COMMD7: variants seen among roughly 807,000 people sequenced by gnomAD.
COMMD7 encodes COMM domain-containing protein 7.
COMMD7 carries 28 observed loss-of-function variants against 34.8 expected under a neutral mutation model. That is an observed-to-expected ratio of 0.80 (90% CI 0.60 to 1.10). The LOEUF (loss-of-function observed/expected upper bound fraction) is 1.10, where lower values mean the gene tolerates loss of function less well. Ranked by LOEUF, COMMD7 falls within the 50% of genes least tolerant of loss-of-function variation. The pLI, the probability that COMMD7 is intolerant of heterozygous loss-of-function variation, is 0.00. For synonymous variants in COMMD7, 80 were observed against 86.4 expected (o/e 0.93, Z 0.41); for missense variants, 211 against 241.6 (o/e 0.87, Z 0.84).
chr20:32,703,675 G>A, intron 8 of COMMD7: 1 of 1,436,778 alleles, frequency 7.0e-7, no homozygotes, highest in Non-Finnish European at 9.1e-7. Context: ...TGTTCAAATG[G>A]CACAGCTCCA....
intron 1 of COMMD7, among the ~76,000 whole-genome samples, chr20:32,741,150 C>CAAAA (rs764073417): frequency 2.2e-5 from 2 of 90,494 alleles, no homozygotes; most frequent in Non-Finnish European, 5.3e-5. Flanking sequence ...CTAAAACAAA[C>CAAAA]AAACAAACAA....
intron 1 of COMMD7, among the ~76,000 whole-genome samples, chr20:32,736,941 G>A (rs931847167): frequency 2.0e-5 from 3 of 152,076 alleles, no homozygotes; most frequent in Admixed American, 2.0e-4. Flanking sequence ...AGCACTTTAG[G>A]AGGCTGAGGC....
At chr20:32,715,820 T>G (rs1984747579) in intron 3 of COMMD7, among the ~76,000 whole-genome samples, 1 of 151,734 alleles carries the variant, frequency 6.6e-6, no homozygotes, top group East Asian at 1.9e-4. Flanking sequence ...AAAAATAAAT[T>G]AATCAAAAAT....
chr20:32,715,851 T>A (rs1984749223), intron 3 of COMMD7, among the ~76,000 whole-genome samples: 1 of 152,098 alleles, frequency 6.6e-6, no homozygotes, highest in African/African-American at 2.4e-5. Context: ...ATAAATTAAT[T>A]AAAAACAGGC....
chr20:32,730,149 G>A (rs1056184265), intron 1 of COMMD7, among the ~76,000 whole-genome samples: 5 of 129,828 alleles, frequency 3.9e-5, no homozygotes, highest in African/African-American at 1.3e-4. Context: ...ACTTTATCAT[G>A]TCCCTCCCTG....
intron 1 of COMMD7, among the ~76,000 whole-genome samples, chr20:32,736,858 G>GA (rs1986151462): frequency 1.3e-5 from 2 of 151,678 alleles, no homozygotes; most frequent in Middle Eastern, 3.4e-3. Flanking sequence ...TGGGCAACAT[G>GA]GCACAACCCC....
At chr20:32,743,283 C>A in intron 1 of COMMD7, 25 bp downstream of exon 1, 1 of 1,501,986 alleles carries the variant, frequency 6.7e-7, no homozygotes, top group Non-Finnish European at 8.9e-7. Flanking sequence ...GGGCCCCGCG[C>A]CCCACGCCCC....
At chr20:32,704,724 G>A (rs1983958893) in intron 6 of COMMD7, 90 bp downstream of exon 6, 1 of 964,984 alleles carries the variant, frequency 1.0e-6, no homozygotes. Context: ...TAGGGACTAG[G>A]TCATGCCTTC....
intron 3 of COMMD7, among the ~76,000 whole-genome samples, chr20:32,726,281 C>A (rs1206782505): frequency 6.6e-6 from 1 of 151,876 alleles, no homozygotes; most frequent in Non-Finnish European, 1.5e-5. Context: ...CCTGTAATCC[C>A]AGCTACTCGG....
intron 3 of COMMD7, among the ~76,000 whole-genome samples, chr20:32,714,772 C>T (rs1164364457): frequency 3.3e-5 from 5 of 151,554 alleles, no homozygotes; most frequent in Admixed American, 1.3e-4. Flanking sequence ...TGTAGTGAGC[C>T]GAGATCGTAC....
At position 32,715,025 on chromosome 20, in the gene COMMD7, A is replaced by AAAATAAATAT. The variant is rs796185498; in HGVS notation, c.242-8266_242-8265insATATTTATTT. ...ACTCTGTCTCAAAAAAATAAAAATA[A>AAAATAAATAT]AAATAAATAAATAAATAAATAAATA... On this transcript the variant is annotated intron_variant, in intron 3 of 8. Coordinates refer to ENST00000278980, the MANE Select transcript of COMMD7 (RefSeq NM_053041.3). Among the ~76,000 whole-genome samples the AAAATAAATAT allele has an allele frequency of 2.7e-3, 402 of 150,412 alleles. 4 individuals are homozygous for AAAATAAATAT. In the East Asian group the frequency reaches 0.037, roughly 14 times the overall value.
At chr20:32,740,265 C>T (rs914544384) in intron 1 of COMMD7, among the ~76,000 whole-genome samples, 6 of 149,536 alleles carry the variant, frequency 4.0e-5, no homozygotes, top group African/African-American at 1.5e-4. Flanking sequence ...TGCAGTGAGC[C>T]GAGATCACGC....
chr20:32,732,692 G>A (rs941117489), intron 1 of COMMD7, among the ~76,000 whole-genome samples: 2 of 151,446 alleles, frequency 1.3e-5, no homozygotes, highest in Admixed American at 6.6e-5. Flanking sequence ...TTTGGGAGGC[G>A]GAGGTGGGTG....
intron 1 of COMMD7, among the ~76,000 whole-genome samples, chr20:32,729,804 A>G (rs1424826416): frequency 6.6e-6 from 1 of 151,786 alleles, no homozygotes; most frequent in Non-Finnish European, 1.5e-5. Context: ...CAGGAGTTTG[A>G]GACCAGCCTG....
At chr20:32,714,735 A>T (rs1984669628) in intron 3 of COMMD7, among the ~76,000 whole-genome samples, 1 of 152,024 alleles carries the variant, frequency 6.6e-6, no homozygotes, top group Admixed American at 6.6e-5. Context: ...AAGGTAGAAT[A>T]ATCGCTTGAA....
intron 3 of COMMD7, among the ~76,000 whole-genome samples, chr20:32,714,824 AAACAACAAC>A (rs55911529): frequency 7.9e-5 from 11 of 139,676 alleles, no homozygotes; most frequent in African/African-American, 2.2e-4. Flanking sequence ...ACTCCATCTC[AAACAACAAC>A]AACAACAACA....
In COMMD7 at chr20:32,706,612, C is replaced by G. The variant is rs1984096497; in HGVS notation, c.307G>C (p.Glu103Gln). The G allele has an allele frequency of 2.5e-6, 4 of 1,611,544 alleles. No homozygotes were observed. The highest frequency in any genetic ancestry group is 3.4e-6 in the Non-Finnish European group (4 of 1,177,912). ...TCAGAAAAGTAAGTGGCTTTCTCCT[C>G]ACTAAGACCTATAAGAGAACAGAAG... ...QADFITLGLS[E>Q]EKATYFSEKW... The change falls in exon 5 of 9, where the codon GAG becomes CAG. Residue 103 changes from glutamate (E) to glutamine (Q), a missense_variant. By Grantham distance (29) the Glu-to-Gln change is conservative (BLOSUM62 2). Transcript: ENST00000278980.
intron 1 of COMMD7, among the ~76,000 whole-genome samples, chr20:32,740,341 C>T (rs1986370892): frequency 6.6e-6 from 1 of 151,308 alleles, no homozygotes; most frequent in African/African-American, 2.4e-5. Context: ...AAGGGCTAAA[C>T]TACTTTAAGA....
intron 3 of COMMD7, among the ~76,000 whole-genome samples, chr20:32,722,477 C>T (rs564159991): frequency 6.6e-6 from 1 of 152,062 alleles, no homozygotes; most frequent in Non-Finnish European, 1.5e-5. Flanking sequence ...GTAATCCCAG[C>T]GCTGTGGGAG....
Sources: allele counts gnomAD v4.1 joint callset (sites outside exome capture counted in the v4.1 genomes callset), GRCh38; gene constraint gnomAD v4.1.1; transcripts MANE v1.5; gene names NCBI Gene and HGNC (gene_info 2026-07-23, HGNC 2026-07-21).